Variants in SCLT1 observed in about 807,000 individuals in gnomAD.
SCLT1 encodes the protein sodium channel and clathrin linker 1.
SCLT1 carries 78 observed loss-of-function variants against 112.8 expected under a neutral mutation model. That is an observed-to-expected ratio of 0.69 (90% CI 0.58 to 0.83). SCLT1 has a LOEUF of 0.83. SCLT1 is among the 40% of genes least tolerant of loss of function. SCLT1 has a pLI of 0.00. For synonymous variants in SCLT1, 257 were observed against 254.7 expected (o/e 1.01, Z -0.09); for missense variants, 747 against 770.4 (o/e 0.97, Z 0.36).
At chr4:128,897,261 G>A (rs1405571082) in intron 18 of SCLT1, among the ~76,000 whole-genome samples, 1 of 152,012 alleles carries the variant, frequency 6.6e-6, no homozygotes, top group African/African-American at 2.4e-5. Flanking sequence ...AAATGTTAAG[G>A]GCAGCCAGAG....
intron 5 of SCLT1, among the ~76,000 whole-genome samples, chr4:129,009,954 G>A (rs981404670): frequency 6.6e-6 from 1 of 152,116 alleles, no homozygotes; most frequent in Non-Finnish European, 1.5e-5. Flanking sequence ...AGTTTAATTA[G>A]ATCCCATTTG....
chr4:129,039,890 G>A (rs549918012), intron 4 of SCLT1: 20 of 224,462 alleles, frequency 8.9e-5, no homozygotes, highest in African/African-American at 7.7e-4. Context: ...AATGGAGAGT[G>A]TGCGCGCGCG....
rs893198441 is a variant in SCLT1, at chr4:128,910,502, T to C, written c.1830-19365A>G. Reference sequence around the variant, plus strand: ...TGATGAATTTTGCACATTAACCCTTTTAAAATTTTTCCAGTATCCCATTTG... The same window carrying C: ...TGATGAATTTTGCACATTAACCCTTCTAAAATTTTTCCAGTATCCCATTTG... On this transcript the variant is annotated intron_variant, in intron 18 of 20. Coordinates refer to ENST00000281142, the MANE Select transcript of SCLT1 (RefSeq NM_144643.4). Among the ~76,000 whole-genome samples, 9 of 152,214 alleles carry C rather than the reference T, an allele frequency of 5.9e-5. No individual in the cohort carries two copies. In the South Asian group the frequency reaches 1.0e-3, roughly 18 times the overall value.
At chr4:128,942,141 A>G (rs547358420) in intron 17 of SCLT1, among the ~76,000 whole-genome samples, 1 of 152,200 alleles carries the variant, frequency 6.6e-6, no homozygotes, top group East Asian at 1.9e-4. Flanking sequence ...CTTCTTTTTA[A>G]ATAAGACTCT....
At chr4:129,000,645 CTTTTT>C (rs1195131513) in intron 6 of SCLT1, among the ~76,000 whole-genome samples, 1 of 151,038 alleles carries the variant, frequency 6.6e-6, no homozygotes. Context: ...TATGCTCCTA[CTTTTT>C]TTTTAAGTCT....
intron 1 of SCLT1, among the ~76,000 whole-genome samples, chr4:129,088,454 G>T (rs1429982715): frequency 6.6e-6 from 1 of 152,126 alleles, no homozygotes; most frequent in Non-Finnish European, 1.5e-5. Context: ...ATAAGATCAG[G>T]AACAGGATAT....
intron 11 of SCLT1, among the ~76,000 whole-genome samples, chr4:128,961,042 G>A (rs544736589): frequency 7.0e-6 from 1 of 143,864 alleles, no homozygotes; most frequent in South Asian, 2.2e-4. Context: ...GTTGCCTATT[G>A]ACTCTATTTA....
chr4:128,930,653 A>G (rs1391145899), intron 18 of SCLT1, among the ~76,000 whole-genome samples: 1 of 152,196 alleles, frequency 6.6e-6, no homozygotes, highest in Non-Finnish European at 1.5e-5. Context: ...AAAGATGGCT[A>G]TAAGGTTTTA....
chr4:129,082,640 C>T (rs981514025), intron 1 of SCLT1, among the ~76,000 whole-genome samples: 5 of 152,176 alleles, frequency 3.3e-5, no homozygotes, highest in Admixed American at 6.5e-5. Flanking sequence ...CATGAAATCT[C>T]AGTCTCTGCT....
intron 18 of SCLT1, among the ~76,000 whole-genome samples, chr4:128,906,604 A>G (rs1734715254): frequency 6.6e-6 from 1 of 152,222 alleles, no homozygotes. Flanking sequence ...CTTCACAGGA[A>G]GCTTATTTTA....
intron 5 of SCLT1, among the ~76,000 whole-genome samples, chr4:129,025,993 G>T (rs1579751796): frequency 6.6e-6 from 1 of 152,258 alleles, no homozygotes; most frequent in South Asian, 2.1e-4. Flanking sequence ...TCAACAAGAA[G>T]AGCTAACTAT....
Position 129,043,548 on chromosome 4 carries a change from T to C in SCLT1, c.162-81A>G, listed in dbSNP as rs1747900362. 3 of 646,252 alleles carry C rather than the reference T, an allele frequency of 4.6e-6. No homozygotes were observed. In the African/African-American group the frequency reaches 5.7e-5, roughly 12 times the overall value. The allele number at this position is 646,252 out of a possible 1,614,324, so 40.0% of individuals were successfully genotyped here. ...TATAACAAGTGAAATAAATTACACA[T>C]AAAAATTTTATGTTTAGTTTACTCA... On this transcript the variant is annotated intron_variant, in intron 3 of 20. Coordinates refer to ENST00000281142, the MANE Select transcript of SCLT1 (RefSeq NM_144643.4).
Position 129,000,928 on chromosome 4 carries a change from G to A in SCLT1, c.427-1134C>T, listed in dbSNP as rs1016644005. Among the ~76,000 whole-genome samples, 11 of 150,896 alleles carry A rather than the reference G, an allele frequency of 7.3e-5. No homozygotes were observed. In the South Asian group the frequency reaches 8.3e-4, roughly 11 times the overall value. The stretch of plus-strand genomic sequence containing the variant: ...ATTTCCTCGTGTTCCTAACACCATA[G>A]ATTAGTTTTGTCTAAAACTTAAAAA... On this transcript the variant is annotated intron_variant, in intron 6 of 20. Transcript: ENST00000281142.
At chr4:129,006,335 C>T (rs922808819) in intron 5 of SCLT1, among the ~76,000 whole-genome samples, 1 of 151,806 alleles carries the variant, frequency 6.6e-6, no homozygotes, top group Non-Finnish European at 1.5e-5. Flanking sequence ...GTCAGGAGTT[C>T]GAGACCAGCC....
chr4:129,057,706 T>C (rs933040331), intron 2 of SCLT1, among the ~76,000 whole-genome samples: 3 of 152,076 alleles, frequency 2.0e-5, no homozygotes, highest in South Asian at 4.1e-4. Flanking sequence ...TATTGACATA[T>C]AATTGTTCAC....
At chr4:129,002,211 GT>G (rs1012080183) in intron 6 of SCLT1, among the ~76,000 whole-genome samples, 1 of 152,030 alleles carries the variant, frequency 6.6e-6, no homozygotes, top group Non-Finnish European at 1.5e-5. Flanking sequence ...AGGCACAAGA[GT>G]TTTTTTCTAT....
In SCLT1 at chr4:128,875,963, C is replaced by T. The variant is rs1732510296; in HGVS notation, n.355+544G>A. On this transcript the variant is annotated intron_variant and non_coding_transcript_variant, in intron 4 of 7. Transcript: ENST00000503565. ...ACACCTTAAGACTTGGCCAAGATCA[C>T]AGCAGTAGGTACTGGCAGAACTGGG... is the stretch of plus-strand genomic sequence containing the variant. 2.0e-5 allele frequency among the ~76,000 whole-genome samples: 3 copies of T among 152,160 alleles called. No individual in the cohort carries two copies. In the South Asian group the frequency reaches 6.2e-4, roughly 31 times the overall value.
At chr4:128,994,639 C>G (rs1489958240) in intron 8 of SCLT1, among the ~76,000 whole-genome samples, 2 of 152,040 alleles carry the variant, frequency 1.3e-5, no homozygotes, top group Non-Finnish European at 1.5e-5. Flanking sequence ...CAAAAATGTT[C>G]AAGGTTTCCA....
rs182224105 is a variant in SCLT1, at chr4:129,011,386, G to A, written c.291-7510C>T. On this transcript the variant is annotated intron_variant, in intron 5 of 20. Coordinates refer to ENST00000281142, the MANE Select transcript of SCLT1 (RefSeq NM_144643.4). ...ATATTGGCCTGAAGTTTTCTTTTTT[G>A]TTGTATCTTTGTTAGGTTTTGGTAT... Among the ~76,000 whole-genome samples, 20 of 152,104 alleles carry A rather than the reference G, an allele frequency of 1.3e-4. No homozygotes were observed. The East Asian group carries it at 3.3e-3, about 25-fold the overall frequency.
Sources: gnomAD v4.1 joint callset for allele counts (sites outside exome capture counted in the v4.1 genomes callset) on GRCh38, gnomAD v4.1.1 for gene constraint, MANE v1.5 for transcripts, NCBI Gene and HGNC (gene_info 2026-07-23, HGNC 2026-07-21) for gene names.